IRS2: variants seen among roughly 807,000 people sequenced by gnomAD.
The protein encoded by IRS2 is insulin receptor substrate 2.
Under a neutral mutation model 70.9 loss-of-function variants are expected in IRS2, and 28 were observed. That is an observed-to-expected ratio of 0.39 (90% confidence interval 0.29 to 0.54). The LOEUF (loss-of-function observed/expected upper bound fraction) is 0.54. Among genes scored for constraint, IRS2 ranks in the 20% least tolerant of loss-of-function variants. The pLI is 0.59. For missense variants in IRS2, 2,081 were observed against 2,024.1 expected (o/e 1.03, Z -0.54); for synonymous variants, 1,217 against 981.9 (o/e 1.24, Z -4.48).
chr13:109,773,633 A>G (rs1344993903), intron 1 of IRS2, among the ~76,000 whole-genome samples: 1 of 152,224 alleles, frequency 6.6e-6, no homozygotes, highest in African/African-American at 2.4e-5. Flanking sequence ...ATATTTGCCA[A>G]ATCTTCTCCC....
chr13:109,756,489 C>CT (rs1877109254), intron 1 of IRS2, among the ~76,000 whole-genome samples, 181 bp from the exon 2 acceptor site: 2 of 152,194 alleles, frequency 1.3e-5, no homozygotes, highest in African/African-American at 2.4e-5. Context: ...TGGGAAAACT[C>CT]TGAGTTTTCC....
At chr13:109,770,707 G>A (rs2138919525) in intron 1 of IRS2, among the ~76,000 whole-genome samples, 1 of 152,294 alleles carries the variant, frequency 6.6e-6, no homozygotes, top group Non-Finnish European at 1.5e-5. Context: ...CCGGTGGGAT[G>A]CTGCCAAGTT....
chr13:109,783,897 T>G lies in IRS2; in HGVS notation c.2157A>C (p.Thr719=), dbSNP rs1594391086. The G allele has an allele frequency of 6.5e-7, 1 of 1,546,678 alleles. No homozygotes were observed. The highest frequency in any genetic ancestry group is 2.4e-5 in the East Asian group (1 of 40,856). Residue 719 remains threonine (T), a synonymous_variant, in exon 1 of 2, where the codon ACA becomes ACC. Coordinates refer to ENST00000375856, the MANE Select transcript of IRS2 (RefSeq NM_003749.3). ...GPAPTSAAGR[T]FPASGGGYKA... ...TGTAGCCGCCCCCGCTCGCCGGGAA[T>G]GTCCTGCCCGCCGCAGAGGTGGGTG...
At chr13:109,756,639 G>C (rs1877112787) in intron 1 of IRS2, among the ~76,000 whole-genome samples, 1 of 152,206 alleles carries the variant, frequency 6.6e-6, no homozygotes, top group Admixed American at 6.5e-5. Flanking sequence ...TTCCTAGGTT[G>C]CACTGCGTGT....
rs757014259 is a variant in IRS2, at chr13:109,783,764, C to T, written c.2290G>A (p.Gly764Arg). The change falls in exon 1 of 2, where the codon GGG becomes AGG. Residue 764 changes from glycine (G) to arginine (R), a missense_variant. Physicochemically the swap from Gly to Arg is moderately radical, Grantham distance 125. This residue lies in a region of IRS2 where 1,615 missense variants were observed against 1,459.5 expected (regional missense o/e 1.11). Coordinates refer to ENST00000375856, the MANE Select transcript of IRS2 (RefSeq NM_003749.3). Reference sequence around the variant, plus strand: ...CTGGGGGACACGTTGAGGTAGTCCCCGTTGGGCAGCAGCTTGCCATCTGCA... The same window carrying T: ...CTGGGGGACACGTTGAGGTAGTCCCTGTTGGGCAGCAGCTTGCCATCTGCA... The part of the protein sequence containing the change: ...EHADGKLLPN[G>R]DYLNVSPSDA... 2 of 1,594,944 alleles carry T rather than the reference C, an allele frequency of 1.3e-6. No individual in the cohort carries two copies. The highest frequency in any genetic ancestry group is 1.7e-6 in the Non-Finnish European group (2 of 1,171,182).
rs1038366432 is a variant in IRS2 at position 109,755,404 on chromosome 13, A to G, written c.*900T>C. The G allele has an allele frequency of 2.7e-5, 6 of 226,280 alleles. No individual in the cohort carries two copies. In the East Asian group the frequency reaches 3.8e-4, roughly 14 times the overall value. The allele number at this position is 226,280 out of a possible 1,614,324, so 14.0% of individuals were successfully genotyped here. A position where few individuals can be genotyped will look rare whatever the true frequency, so the allele number is the denominator to read the frequency against. The stretch of plus-strand genomic sequence containing the variant: ...GCCCAAGATTCAGGAGAGCAGAGAC[A>G]TCTGAGCTTGTAAATAGAATAAAAG... On this transcript the variant is annotated 3_prime_UTR_variant, in exon 2 of 2. Transcript: ENST00000375856.
At chr13:109,781,553 A>G (rs1470736380) in intron 1 of IRS2, among the ~76,000 whole-genome samples, 1 of 152,226 alleles carries the variant, frequency 6.6e-6, no homozygotes, top group Admixed American at 6.5e-5. Context: ...AATGACTTTC[A>G]GGTCTGAACC....
In IRS2 at chr13:109,786,018, C is replaced by A. The variant is rs1877913249; in HGVS notation, c.36G>T (p.Pro12=). The change falls in exon 1 of 2, where the codon CCG becomes CCT. Residue 12 remains proline (P), a synonymous_variant. Transcript: ENST00000375856. The surrounding 1 kb of genome is among the most constrained non-coding windows in gnomAD (Gnocchi z 4.4). ...TGAGGTTGGGGCCGTCTCCGCTCGC[C>A]GGCCCGGGCGGCCCGTGCCGCGGCG... ...ASPPRHGPPG[P]ASGDGPNLNN... 2.9e-6 allele frequency: 4 copies of A among 1,369,586 alleles called. No homozygotes were observed. The East Asian group carries it at 9.6e-5, about 33-fold the overall frequency. 84.8% of individuals were successfully genotyped at this position (1,369,586 alleles called of 1,614,324 possible). A position where few individuals can be genotyped will look rare whatever the true frequency, so the allele number is the denominator to read the frequency against.
At chr13:109,759,403 G>A (rs542455409) in intron 1 of IRS2, among the ~76,000 whole-genome samples, 124 of 152,268 alleles carry the variant, frequency 8.1e-4, no homozygotes, top group African/African-American at 3.0e-3. Context: ...TTAACCAGCA[G>A]AAACAATCCT....
At chr13:109,778,324 C>A (rs1247249842) in intron 1 of IRS2, among the ~76,000 whole-genome samples, 4 of 152,236 alleles carry the variant, frequency 2.6e-5, no homozygotes, top group Non-Finnish European at 5.9e-5. Flanking sequence ...TAGTGTTCCA[C>A]ATACTATGCT....
intron 1 of IRS2, among the ~76,000 whole-genome samples, chr13:109,763,565 C>A (rs1253967806): frequency 1.3e-5 from 2 of 152,194 alleles, no homozygotes; most frequent in Non-Finnish European, 2.9e-5. Flanking sequence ...GGGTCCAAAT[C>A]TTTTCTCTTT....
At position 109,753,668 on chromosome 13, in the gene IRS2, TG is replaced by T. The variant is rs1877042056; in HGVS notation, c.*2635del. ...TAACACATTTACTTTTCATAAATGT[TG>T]TTATCTGGCAGGTATTTTTTGGCTT... On this transcript the variant is annotated 3_prime_UTR_variant, in exon 2 of 2. Coordinates refer to ENST00000375856, the MANE Select transcript of IRS2 (RefSeq NM_003749.3). 5.5e-6 allele frequency: 1 copy of T among 180,672 alleles called. No individual in the cohort carries two copies. Among genetic ancestry groups the T allele is most frequent in the Non-Finnish European group, 1.2e-5 (1 of 84,600 alleles). 11.2% of individuals were successfully genotyped at this position (180,672 alleles called of 1,614,324 possible).
rs1389842328 is a variant in IRS2, at chr13:109,784,082, G to T, written c.1972C>A (p.Pro658Thr). The T allele has an allele frequency of 1.3e-6, 2 of 1,584,338 alleles. No homozygotes were observed. The highest frequency in any genetic ancestry group is 2.7e-5 in the African/African-American group (2 of 74,786). The change falls in exon 1 of 2, where the codon CCC (proline) becomes ACC (threonine). Residue 658 changes from proline to threonine, a missense_variant. Around this residue, in one of 4 missense-constraint regions of IRS2, gnomAD observed 1,615 missense variants for 1,459.5 expected, o/e 1.11. Coordinates refer to ENST00000375856, the MANE Select transcript of IRS2 (RefSeq NM_003749.3). This position sits in a 1 kb window ranked among gnomAD's most constrained non-coding sequence, Gnocchi z 5.2. ...CCACTGCCCGCGAGGGCCGCGCCGG[G>T]CGTCATGGGCATGTAGCCGTCGTCT... Reference protein sequence around the residue: ...GADDGYMPMTPGAALAGSGSG... With the variant: ...GADDGYMPMTTGAALAGSGSG...
chr13:109,756,377 A>C, intron 1 of IRS2, 69 bp from the exon 2 acceptor site: 2 of 1,386,518 alleles, frequency 1.4e-6, no homozygotes, highest in Non-Finnish European at 2.1e-6. Context: ...AGTTCCAGAA[A>C]GGGCCCCTCT....
chr13:109,776,809 T>C (rs1186322747), intron 1 of IRS2, among the ~76,000 whole-genome samples: 2 of 152,202 alleles, frequency 1.3e-5, no homozygotes, highest in African/African-American at 2.4e-5. Context: ...CTGTGTACAA[T>C]AATCTACCTG....
At position 109,756,196 on chromosome 13, in the gene IRS2, G is replaced by A. The variant is rs1227009819; in HGVS notation, c.*108C>T. ...TGTTTCCAAACACAGTCATTGCTCA[G>A]ATCCAAAAGAAAACTGCAAGCAGCT... On this transcript the variant is annotated 3_prime_UTR_variant, in exon 2 of 2. Coordinates refer to ENST00000375856, the MANE Select transcript of IRS2 (RefSeq NM_003749.3). The A allele has an allele frequency of 8.5e-5, 82 of 968,942 alleles. No individual in the cohort carries two copies. The Admixed American group carries it at 1.4e-3, about 17-fold the overall frequency. 60.0% of individuals were successfully genotyped at this position (968,942 alleles called of 1,614,324 possible).
rs1401264317 is a variant in IRS2, at chr13:109,782,771, C to T, written c.3283G>A (p.Ala1095Thr). Reference sequence around the variant, plus strand: ...GACGTCGGGCTGGCCACGCGGGCAGCTTCTGGCTTCGGGGGGGCCGCGATA... The same window carrying T: ...GACGTCGGGCTGGCCACGCGGGCAGTTTCTGGCTTCGGGGGGGCCGCGATA... ...QPIAAPPKPE[A>T]ARVASPTSGV... Residue 1095 changes from alanine to threonine, a missense_variant, in exon 1 of 2, where the codon GCT becomes ACT. Physicochemically the swap from Ala to Thr is moderately conservative, Grantham distance 58. This residue lies in a region of IRS2 where 1,615 missense variants were observed against 1,459.5 expected (regional missense o/e 1.11). Transcript: ENST00000375856. 7 of 1,603,192 alleles carry T rather than the reference C, an allele frequency of 4.4e-6. No homozygotes were observed. Among genetic ancestry groups the T allele is most frequent in the South Asian group, 1.1e-5 (1 of 89,616 alleles).
intron 1 of IRS2, among the ~76,000 whole-genome samples, chr13:109,765,486 C>T (rs1436141891): frequency 2.1e-5 from 3 of 144,858 alleles, no homozygotes; most frequent in African/African-American, 5.2e-5. Context: ...CCTCATCCAC[C>T]CTGACTCCAA....
chr13:109,776,493 A>G (rs1429801592), intron 1 of IRS2, among the ~76,000 whole-genome samples: 2 of 152,248 alleles, frequency 1.3e-5, no homozygotes, highest in Non-Finnish European at 2.9e-5. Flanking sequence ...CATGTAACCC[A>G]TAAGTTTTAA....
Sources: gnomAD v4.1 joint callset for allele counts (sites outside exome capture counted in the v4.1 genomes callset) on GRCh38, gnomAD v4.1.1 for gene constraint, gnomAD v4.1.1 regional missense constraint, Gnocchi (gnomAD v3.1) non-coding constraint, MANE v1.5 for transcripts, NCBI Gene and HGNC (gene_info 2026-07-23, HGNC 2026-07-21) for gene names.